The following SDCCAG8 variants were observed in gnomAD, a reference collection of about 807,000 sequenced individuals.
SDCCAG8 encodes SHH signaling and ciliogenesis regulator SDCCAG8, also known as serologically defined colon cancer antigen 8.
Under a neutral mutation model 101.8 loss-of-function variants are expected in SDCCAG8, and 74 were observed. The observed-to-expected ratio is 0.73, with a 90% confidence interval of 0.60 to 0.88. The LOEUF (loss-of-function observed/expected upper bound fraction) is 0.88, where lower values mean the gene tolerates loss of function less well. SDCCAG8 is among the 40% of genes least tolerant of loss of function. SDCCAG8 has a pLI of 0.00. For missense variants in SDCCAG8, 787 were observed against 822.6 expected (o/e 0.96, Z 0.53); for synonymous variants, 281 against 292.9 (o/e 0.96, Z 0.41).
chr1:243,389,924 C>T (rs1234152273), intron 13 of SDCCAG8, among the ~76,000 whole-genome samples: 1 of 152,090 alleles, frequency 6.6e-6, no homozygotes, highest in Non-Finnish European at 1.5e-5. Context: ...TCTCTGTGCC[C>T]CCAGCACCAA....
At position 243,307,061 on chromosome 1, in the gene SDCCAG8, G is replaced by T. The variant is rs1484611786; in HGVS notation, c.741-928G>T. Among the ~76,000 whole-genome samples the T allele has an allele frequency of 8.0e-4, 108 of 135,480 alleles. 1 individual carries two copies. The East Asian group carries it at 8.3e-3, about 10-fold the overall frequency. 88.9% of individuals were successfully genotyped at this position (135,480 alleles called of 152,430 possible). A position where few individuals can be genotyped will look rare whatever the true frequency, so the allele number is the denominator to read the frequency against. ...TTTTTCAGCTAGAAAGTTTTTTTTT[G>T]TTTTTTTTTTTTTTGAAGTACAAAA... On this transcript the variant is annotated intron_variant, in intron 7 of 17. Coordinates refer to ENST00000366541, the MANE Select transcript of SDCCAG8 (RefSeq NM_006642.5).
At chr1:243,348,922 G>A (rs2075914967) in intron 12 of SDCCAG8, among the ~76,000 whole-genome samples, 1 of 151,630 alleles carries the variant, frequency 6.6e-6, no homozygotes, top group South Asian at 2.1e-4. Context: ...GGAGGCGGAC[G>A]TTGTGGTGAG....
At chr1:243,293,262 T>G in intron 6 of SDCCAG8, 43 bp downstream of exon 6, 1 of 1,593,420 alleles carries the variant, frequency 6.3e-7, no homozygotes, top group East Asian at 2.3e-5. Context: ...TTTTTTTTCT[T>G]TTTCTCTTTT....
At chr1:243,266,151 A>G (rs958610869) in intron 1 of SDCCAG8, among the ~76,000 whole-genome samples, 1 of 152,206 alleles carries the variant, frequency 6.6e-6, no homozygotes. Flanking sequence ...AACATATCCA[A>G]TACTTCCAAT....
At chr1:243,434,773 C>A (rs1254025343) in intron 16 of SDCCAG8, among the ~76,000 whole-genome samples, 2 of 152,116 alleles carry the variant, frequency 1.3e-5, no homozygotes, top group African/African-American at 4.8e-5. Flanking sequence ...AGACTGCTGC[C>A]CTCCCAATAA....
At chr1:243,297,509 G>T (rs901794024) in intron 6 of SDCCAG8, among the ~76,000 whole-genome samples, 1 of 151,590 alleles carries the variant, frequency 6.6e-6, no homozygotes, top group Non-Finnish European at 1.5e-5. Flanking sequence ...CCTTCCAAGG[G>T]GTTTTATCAG....
At chr1:243,470,914 T>C (rs1317954583) in intron 16 of SDCCAG8, among the ~76,000 whole-genome samples, 5 of 152,156 alleles carry the variant, frequency 3.3e-5, no homozygotes, top group East Asian at 3.9e-4. Context: ...AAAATCGCTA[T>C]GTTCTCTAGT....
At position 243,291,712 on chromosome 1, in the gene SDCCAG8, C is replaced by A. The variant is rs1011190263; in HGVS notation, c.547-1379C>A. ...ATGTTTGGGTTTGTTTTCTCCTACA[C>A]CTGGCCATTCTCTGTTTCTCTGTAG... On this transcript the variant is annotated intron_variant, in intron 5 of 17. Transcript: ENST00000366541. Among the ~76,000 whole-genome samples, 5 of 152,174 alleles carry A rather than the reference C, an allele frequency of 3.3e-5. No homozygotes were observed. In the East Asian group the frequency reaches 9.6e-4, roughly 29 times the overall value.
intron 16 of SDCCAG8, among the ~76,000 whole-genome samples, chr1:243,470,751 G>C (rs1661088825): frequency 1.3e-5 from 2 of 152,168 alleles, no homozygotes; most frequent in South Asian, 4.1e-4. Flanking sequence ...TTCAGGCAAG[G>C]GTGCTGTCCC....
chr1:243,471,880 T>C (rs529197794), intron 16 of SDCCAG8, among the ~76,000 whole-genome samples: 1 of 152,320 alleles, frequency 6.6e-6, no homozygotes, highest in African/African-American at 2.4e-5. Context: ...TTCTACTCTC[T>C]AATACATAAT....
intron 17 of SDCCAG8, among the ~76,000 whole-genome samples, chr1:243,496,330 G>A (rs758091404): frequency 6.6e-6 from 1 of 151,158 alleles, no homozygotes; most frequent in Non-Finnish European, 1.5e-5. Context: ...CCCAGAACAC[G>A]AGGCGGAGGC....
At chr1:243,434,916 T>G (rs1287564935) in intron 16 of SDCCAG8, among the ~76,000 whole-genome samples, 1 of 152,128 alleles carries the variant, frequency 6.6e-6, no homozygotes, top group Admixed American at 6.5e-5. Flanking sequence ...GGGAGAACAT[T>G]AAGTGGGAAA....
intron 13 of SDCCAG8, among the ~76,000 whole-genome samples, chr1:243,393,427 G>T (rs1345919261): frequency 1.3e-5 from 2 of 151,858 alleles, no homozygotes; most frequent in Non-Finnish European, 2.9e-5. Flanking sequence ...CATGATGTTT[G>T]CAGTGGTGTG....
At chr1:243,498,578 C>T (rs534941515) in intron 17 of SDCCAG8, among the ~76,000 whole-genome samples, 61 of 152,344 alleles carry the variant, frequency 4.0e-4, no homozygotes, top group African/African-American at 1.4e-3. Flanking sequence ...AAAAGTTGTC[C>T]TCAGGGTCTC....
At chr1:243,256,483 C>T (rs937963897) in intron 1 of SDCCAG8, among the ~76,000 whole-genome samples, 4 of 152,252 alleles carry the variant, frequency 2.6e-5, no homozygotes, top group African/African-American at 9.6e-5. Flanking sequence ...AACTTGGCAT[C>T]TTTCTCAACC....
intron 9 of SDCCAG8, among the ~76,000 whole-genome samples, chr1:243,323,021 G>C (rs906671524): frequency 6.6e-6 from 1 of 151,934 alleles, no homozygotes; most frequent in African/African-American, 2.4e-5. Context: ...TGTAGTCCCA[G>C]CTACTCGGGA....
intron 10 of SDCCAG8, among the ~76,000 whole-genome samples, chr1:243,332,054 T>C (rs1212388781): frequency 2.0e-5 from 3 of 152,084 alleles, no homozygotes; most frequent in Non-Finnish European, 4.4e-5. Context: ...CTGAAAGCAT[T>C]GATGAATGGA....
chr1:243,399,749 G>A (rs1019711426), intron 13 of SDCCAG8, among the ~76,000 whole-genome samples: 2 of 152,076 alleles, frequency 1.3e-5, no homozygotes, highest in African/African-American at 2.4e-5. Context: ...AGGCTCAAGC[G>A]ATCACCTGCC....
chr1:243,402,634 G>C (rs543412311), intron 13 of SDCCAG8, among the ~76,000 whole-genome samples: 23 of 152,084 alleles, frequency 1.5e-4, no homozygotes, highest in African/African-American at 5.1e-4. Flanking sequence ...CTAACCCCAC[G>C]TGGCCAGTGG....
Sources: gnomAD v4.1 joint callset for allele counts (sites outside exome capture counted in the v4.1 genomes callset) on GRCh38, gnomAD v4.1.1 for gene constraint, MANE v1.5 for transcripts, NCBI Gene and HGNC (gene_info 2026-07-23, HGNC 2026-07-21) for gene names.